Variants in LOC128462377 observed in about 807,000 individuals in gnomAD.
the LOC128462377 span, chr16:89,395,947 C>T: frequency 5.3e-5 from 8 of 152,338 alleles, 1 homozygote; most frequent in South Asian, 1.4e-3. Flanking sequence ...CAAAGCACTG[C>T]TGCCGCACAC....
the LOC128462377 span, among the ~76,000 whole-genome samples, chr16:89,371,389 T>A: frequency 6.6e-6 from 1 of 152,192 alleles, no homozygotes; most frequent in Admixed American, 6.5e-5. Context: ...GTCATTTAAA[T>A]CAAGTCATTC....
the LOC128462377 span, among the ~76,000 whole-genome samples, chr16:89,366,885 C>T: frequency 1.1e-4 from 16 of 152,360 alleles, no homozygotes; most frequent in South Asian, 2.3e-3. Context: ...TCACATCATC[C>T]TGTTGCTGCT....
chr16:89,366,421 T>A, the LOC128462377 span, among the ~76,000 whole-genome samples: 2 of 152,188 alleles, frequency 1.3e-5, no homozygotes, highest in Non-Finnish European at 2.9e-5. Context: ...TTCCACAGGG[T>A]TGAACTAATT....
chr16:89,365,996 T>A, the LOC128462377 span, among the ~76,000 whole-genome samples: 1 of 151,998 alleles, frequency 6.6e-6, no homozygotes, highest in African/African-American at 2.4e-5. Context: ...TTGTTAAGGA[T>A]AAGGGCCTCC....
At chr16:89,407,668 T>TACACAC in the LOC128462377 span, among the ~76,000 whole-genome samples, 4 of 150,704 alleles carry the variant, frequency 2.7e-5, no homozygotes, top group African/African-American at 7.3e-5. Flanking sequence ...CAAACACACA[T>TACACAC]ACACACACAC....
the LOC128462377 span, among the ~76,000 whole-genome samples, chr16:89,325,469 TCACA>T: frequency 2.7e-4 from 40 of 147,730 alleles, no homozygotes; most frequent in African/African-American, 7.2e-4. Context: ...TCTCTCTCTC[TCACA>T]CACACACACA....
chr16:89,399,624 C>T, the LOC128462377 span, among the ~76,000 whole-genome samples: 1 of 152,156 alleles, frequency 6.6e-6, no homozygotes, highest in African/African-American at 2.4e-5. Flanking sequence ...ATAGACTGCA[C>T]AGCACCCGGT....
chr16:89,417,721 G>C, the LOC128462377 span, among the ~76,000 whole-genome samples: 1 of 151,994 alleles, frequency 6.6e-6, no homozygotes, highest in Non-Finnish European at 1.5e-5. Context: ...AACCTAACAA[G>C]AGCACAACAG....
At chr16:89,360,144 C>T in the LOC128462377 span, among the ~76,000 whole-genome samples, 1 of 152,182 alleles carries the variant, frequency 6.6e-6, no homozygotes, top group Non-Finnish European at 1.5e-5. Context: ...CTTGTAAAGT[C>T]AGAACATGTA....
chr16:89,326,892 C>T, the LOC128462377 span, among the ~76,000 whole-genome samples: 12 of 152,308 alleles, frequency 7.9e-5, no homozygotes, highest in East Asian at 7.7e-4. Flanking sequence ...CACATCTGCA[C>T]GTGGGGCTGA....
chr16:89,337,057 A>T, the LOC128462377 span, among the ~76,000 whole-genome samples: 1 of 148,528 alleles, frequency 6.7e-6, no homozygotes, highest in Non-Finnish European at 1.5e-5. Context: ...GTGGTGGTGC[A>T]CACCTGCAGT....
At chr16:89,323,160 C>T in the LOC128462377 span, 8 of 422,166 alleles carry the variant, frequency 1.9e-5, no homozygotes, top group Non-Finnish European at 3.0e-5. Flanking sequence ...CCAGCGGCTG[C>T]GTCAGGAGTG....
chr16:89,388,528 C>CA, the LOC128462377 span, among the ~76,000 whole-genome samples: 3 of 151,980 alleles, frequency 2.0e-5, no homozygotes, highest in Non-Finnish European at 4.4e-5. Context: ...ACACACGTCA[C>CA]AAAAAAGCCC....
At chr16:89,383,240 T>C in the LOC128462377 span, among the ~76,000 whole-genome samples, 1 of 152,226 alleles carries the variant, frequency 6.6e-6, no homozygotes, top group Non-Finnish European at 1.5e-5. Flanking sequence ...AGTGTTCAGC[T>C]GGCTGAAAGC....
At chr16:89,359,515 T>C in the LOC128462377 span, among the ~76,000 whole-genome samples, 2 of 152,222 alleles carry the variant, frequency 1.3e-5, no homozygotes, top group Admixed American at 6.5e-5. Context: ...GTGACCTCAC[T>C]GTGCCTACCT....
At chr16:89,322,328 T>C in the LOC128462377 span, among the ~76,000 whole-genome samples, 5 of 152,388 alleles carry the variant, frequency 3.3e-5, no homozygotes, top group African/African-American at 9.6e-5. Context: ...CCACAGTATG[T>C]TGATAGAACA....
the LOC128462377 span, among the ~76,000 whole-genome samples, chr16:89,326,247 GAAAT>G: frequency 2.6e-4 from 39 of 152,326 alleles, 1 homozygote; most frequent in Admixed American, 2.5e-3. Flanking sequence ...TGCGAGGGTG[GAAAT>G]AAACACACGG....
At chr16:89,395,449 C>T in the LOC128462377 span, among the ~76,000 whole-genome samples, 1 of 152,346 alleles carries the variant, frequency 6.6e-6, no homozygotes, top group East Asian at 1.9e-4. Context: ...GGGATGCCAG[C>T]CCACGGCTGG....
the LOC128462377 span, among the ~76,000 whole-genome samples, chr16:89,402,471 A>C: frequency 1.3e-5 from 2 of 152,080 alleles, no homozygotes; most frequent in Non-Finnish European, 2.9e-5. Flanking sequence ...GTTGACTCCA[A>C]GAGTTCAAGA....
Sources: allele counts gnomAD v4.1 joint callset (sites outside exome capture counted in the v4.1 genomes callset), GRCh38; gene constraint gnomAD v4.1.1; transcripts MANE v1.5.